Variants in RSRC1 observed in about 807,000 individuals in gnomAD.
RSRC1 encodes arginine and serine rich coiled-coil 1.
In RSRC1, 39 loss-of-function variants were observed where a neutral mutation model predicts 49.1. The ratio of observed to expected loss-of-function variants is 0.79; its 90% CI spans 0.61 to 1.04. The LOEUF is 1.04. Among genes scored for constraint, RSRC1 ranks in the 50% least tolerant of loss-of-function variants. The pLI, the probability that RSRC1 is intolerant of heterozygous loss-of-function variation, is 0.00. For missense variants in RSRC1, 388 were observed against 402.4 expected (o/e 0.96, Z 0.31); for synonymous variants, 143 against 130.8 (o/e 1.09, Z -0.63).
chr3:158,524,476 C>T (rs2108492996), intron 7 of RSRC1, among the ~76,000 whole-genome samples: 1 of 152,144 alleles, frequency 6.6e-6, no homozygotes, highest in Admixed American at 6.6e-5. Flanking sequence ...ACCCAAGCTT[C>T]ATTATAAATT....
intron 4 of RSRC1, among the ~76,000 whole-genome samples, chr3:158,287,371 AATTT>A (rs1297764625): frequency 6.6e-6 from 1 of 152,162 alleles, no homozygotes; most frequent in Non-Finnish European, 1.5e-5. Flanking sequence ...AGAATGCATG[AATTT>A]ATTTATGATT....
At chr3:158,275,984 C>T (rs926992423) in intron 4 of RSRC1, 8 of 790,348 alleles carry the variant, frequency 1.0e-5, no homozygotes, top group African/African-American at 1.7e-5. Flanking sequence ...CCATGGGTGT[C>T]AGGATTTCTT....
intron 5 of RSRC1, among the ~76,000 whole-genome samples, chr3:158,304,938 G>A (rs1401077937): frequency 1.3e-5 from 2 of 152,222 alleles, no homozygotes; most frequent in East Asian, 1.9e-4. Context: ...TTAATGTCAT[G>A]TTAATGTCAT....
chr3:158,448,788 G>T (rs981936798), intron 6 of RSRC1, among the ~76,000 whole-genome samples: 1 of 151,848 alleles, frequency 6.6e-6, no homozygotes, highest in Non-Finnish European at 1.5e-5. Context: ...GTAAATCTTT[G>T]CTAGTTTGGG....
intron 4 of RSRC1, among the ~76,000 whole-genome samples, chr3:158,292,708 C>T (rs1230278405): frequency 6.6e-6 from 1 of 152,276 alleles, no homozygotes; most frequent in Admixed American, 6.5e-5. Context: ...TTTTCAAATT[C>T]ATTAAAACTC....
intron 7 of RSRC1, among the ~76,000 whole-genome samples, chr3:158,516,684 C>G (rs1028614583): frequency 2.6e-5 from 4 of 152,204 alleles, no homozygotes; most frequent in Non-Finnish European, 5.9e-5. Context: ...GGTGGGCGCC[C>G]CTTCCCCAGC....
chr3:158,358,795 T>G lies in RSRC1; in HGVS notation c.583+3887T>G, dbSNP rs552133538. On this transcript the variant is annotated intron_variant, in intron 6 of 9. Coordinates refer to ENST00000611884, the MANE Select transcript of RSRC1 (RefSeq NM_001271838.2). The stretch of plus-strand genomic sequence containing the variant: ...CCCAAGCCCTTGACAACCACCATTC[T>G]CCCTCTGTCTCCGTTTGTCTATTCT... 2.0e-5 allele frequency among the ~76,000 whole-genome samples: 3 copies of G among 152,088 alleles called. No homozygotes were observed. The East Asian group carries it at 5.8e-4, about 29-fold the overall frequency.
At chr3:158,241,885 G>T (rs1029826138) in intron 4 of RSRC1, among the ~76,000 whole-genome samples, 1 of 151,468 alleles carries the variant, frequency 6.6e-6, no homozygotes, top group Non-Finnish European at 1.5e-5. Context: ...CTGATGTGTA[G>T]TTTATATGTA....
intron 3 of RSRC1, among the ~76,000 whole-genome samples, chr3:158,142,572 C>G (rs1716816431): frequency 6.6e-6 from 1 of 152,148 alleles, no homozygotes. Context: ...GTGAGGGCCT[C>G]AGGAAGTTTA....
intron 4 of RSRC1, among the ~76,000 whole-genome samples, chr3:158,283,779 C>A (rs1471288708): frequency 6.6e-6 from 1 of 152,040 alleles, no homozygotes; most frequent in Non-Finnish European, 1.5e-5. Context: ...CTCCCAATTG[C>A]CCTCCAGAAA....
chr3:158,426,967 C>T (rs1191228023), intron 6 of RSRC1, among the ~76,000 whole-genome samples: 2 of 151,574 alleles, frequency 1.3e-5, no homozygotes, highest in Non-Finnish European at 3.0e-5. Flanking sequence ...TGTCCTTAGC[C>T]CCTAGGGAAG....
intron 3 of RSRC1, among the ~76,000 whole-genome samples, chr3:158,186,666 T>C (rs1422591075): frequency 1.3e-5 from 2 of 151,968 alleles, no homozygotes; most frequent in Non-Finnish European, 2.9e-5. Flanking sequence ...TGGGCTTATC[T>C]GGATCTAAGA....
In RSRC1 at chr3:158,132,672, A is replaced by G. The variant is rs1397671514; in HGVS notation, c.320+8681A>G. Among the ~76,000 whole-genome samples, 5 of 152,196 alleles carry G rather than the reference A, an allele frequency of 3.3e-5. No individual in the cohort carries two copies. In the South Asian group the frequency reaches 1.0e-3, roughly 32 times the overall value. On this transcript the variant is annotated intron_variant, in intron 3 of 9. Transcript: ENST00000611884. Reference sequence around the variant, plus strand: ...AAGTAGTAAATGTCTGAGAATCACAATTAATTTTATACTGGATGAGCTATC... The same window carrying G: ...AAGTAGTAAATGTCTGAGAATCACAGTTAATTTTATACTGGATGAGCTATC...
intron 5 of RSRC1, among the ~76,000 whole-genome samples, chr3:158,315,350 T>C (rs1728371550): frequency 6.6e-6 from 1 of 152,158 alleles, no homozygotes; most frequent in South Asian, 2.1e-4. Flanking sequence ...CCAAGAAGTA[T>C]GGCTCCAAAG....
chr3:158,227,269 C>T (rs139262169), intron 4 of RSRC1, among the ~76,000 whole-genome samples: 1 of 151,906 alleles, frequency 6.6e-6, no homozygotes, highest in Admixed American at 6.6e-5. Context: ...AACTCAGTTA[C>T]TAAATATGGA....
chr3:158,434,056 A>T (rs1381899440), intron 6 of RSRC1, among the ~76,000 whole-genome samples: 1 of 151,956 alleles, frequency 6.6e-6, no homozygotes, highest in African/African-American at 2.4e-5. Context: ...TTAGTTGACT[A>T]TTTAAGAAAT....
rs943744419 is a variant in RSRC1 at position 158,213,234 on chromosome 3, A to G, written c.494+9989A>G. ...AAATGAGTATAGCCAGATGATAGGA[A>G]TAACATATGTCTCTTTGGATAGATG... On this transcript the variant is annotated intron_variant, in intron 4 of 9. Transcript: ENST00000611884. Among the ~76,000 whole-genome samples the G allele has an allele frequency of 7.2e-5, 11 of 152,080 alleles. No homozygotes were observed. The East Asian group carries it at 1.2e-3, about 16-fold the overall frequency.
rs112401336 is a variant in RSRC1, at chr3:158,449,844, T to C, written c.584-11091T>C. Reference sequence around the variant, plus strand: ...GTAGATGGCACCCTCTGGGGACATATAGCTGTCCTCGGTTAAGTGTCCCTT... The same window carrying C: ...GTAGATGGCACCCTCTGGGGACATACAGCTGTCCTCGGTTAAGTGTCCCTT... On this transcript the variant is annotated intron_variant, in intron 6 of 9. Coordinates refer to ENST00000611884, the MANE Select transcript of RSRC1 (RefSeq NM_001271838.2). Among the ~76,000 whole-genome samples, 1,100 of 152,046 alleles carry C rather than the reference T, an allele frequency of 7.2e-3. 13 individuals carry two copies. Among genetic ancestry groups the C allele is most frequent in the African/African-American group, 0.026 (1,067 of 41,540 alleles).
rs1712892610 is a variant in RSRC1, at chr3:158,539,115, C to G, written c.759+1917C>G. On this transcript the variant is annotated intron_variant, in intron 8 of 9. Transcript: ENST00000611884. The surrounding 1 kb of genome is among the most constrained non-coding windows in gnomAD (Gnocchi z 4.1). ...CCTAATGCATAGCAAGGATTTAACT[C>G]TCTTGAGGACTGAGTTACCCATGAT... Among the ~76,000 whole-genome samples, 1 of 151,820 alleles carries G rather than the reference C, an allele frequency of 6.6e-6. No homozygotes were observed. The highest frequency in any genetic ancestry group is 1.5e-5 in the Non-Finnish European group (1 of 67,888).
Sources: gnomAD v4.1 joint callset for allele counts (sites outside exome capture counted in the v4.1 genomes callset) on GRCh38, gnomAD v4.1.1 for gene constraint, Gnocchi (gnomAD v3.1) non-coding constraint, MANE v1.5 for transcripts, NCBI Gene and HGNC (gene_info 2026-07-23, HGNC 2026-07-21) for gene names.